The following KCNH1 variants were observed in gnomAD, a reference collection of about 807,000 sequenced individuals.
KCNH1 encodes the protein potassium voltage-gated channel subfamily H member 1.
A neutral mutation model predicts 69.2 loss-of-function variants in KCNH1; 27 were observed. The ratio of observed to expected loss-of-function variants is 0.39; its 90% CI spans 0.29 to 0.54. KCNH1 has a LOEUF of 0.54. Ranked by LOEUF, KCNH1 falls within the 20% of genes least tolerant of loss-of-function variation. KCNH1 has a pLI of 0.68. For synonymous variants in KCNH1, 456 were observed against 487.7 expected, an observed-to-expected ratio of 0.93 and a Z score of 0.86; for missense variants, 798 against 1,261.6, an observed-to-expected ratio of 0.63 and a Z score of 5.57.
At chr1:211,028,145 C>CA (rs1298724146) in intron 5 of KCNH1, among the ~76,000 whole-genome samples, 1 of 151,992 alleles carries the variant, frequency 6.6e-6, no homozygotes, top group Non-Finnish European at 1.5e-5. Context: ...TTCTCAGCTA[C>CA]AATGGAATCA....
intron 10 of KCNH1, among the ~76,000 whole-genome samples, chr1:210,762,564 A>G (rs1683543975): frequency 6.6e-6 from 1 of 152,204 alleles, no homozygotes; most frequent in African/African-American, 2.4e-5. Context: ...CCACAGAAAT[A>G]TAAAAGATCC....
chr1:210,714,965 G>C (rs112474211), intron 10 of KCNH1, among the ~76,000 whole-genome samples: 2,696 of 152,272 alleles, frequency 0.018, 69 homozygotes, highest in African/African-American at 0.062. Flanking sequence ...CCAATCCATG[G>C]TGATGTCTGA....
At chr1:210,715,554 G>T (rs1682209415) in intron 10 of KCNH1, among the ~76,000 whole-genome samples, 2 of 150,828 alleles carry the variant, frequency 1.3e-5, no homozygotes, top group African/African-American at 4.9e-5. Flanking sequence ...AGTTTGGCTT[G>T]GTTCAACTTT....
At chr1:210,705,543 G>C (rs967959509) in intron 10 of KCNH1, among the ~76,000 whole-genome samples, 2 of 152,206 alleles carry the variant, frequency 1.3e-5, no homozygotes, top group African/African-American at 4.8e-5. Flanking sequence ...CCCTGGCCCA[G>C]AGGTAGAACC....
intron 7 of KCNH1, among the ~76,000 whole-genome samples, chr1:210,900,989 A>G (rs1285078692): frequency 6.6e-6 from 1 of 152,082 alleles, no homozygotes; most frequent in Non-Finnish European, 1.5e-5. Context: ...AATAGTACAT[A>G]TTCAATTAAC....
chr1:210,838,167 A>G (rs1685326766), intron 7 of KCNH1, among the ~76,000 whole-genome samples: 1 of 152,222 alleles, frequency 6.6e-6, no homozygotes, highest in Non-Finnish European at 1.5e-5. Context: ...AGAATAGAAT[A>G]GAGAACCCAG....
chr1:210,943,987 T>G (rs932757963), intron 6 of KCNH1, among the ~76,000 whole-genome samples: 2 of 152,172 alleles, frequency 1.3e-5, no homozygotes, highest in Non-Finnish European at 2.9e-5. Flanking sequence ...GTACTGTGTA[T>G]TATCCAAATC....
At chr1:210,707,905 C>T (rs901108088) in intron 10 of KCNH1, among the ~76,000 whole-genome samples, 7 of 152,134 alleles carry the variant, frequency 4.6e-5, no homozygotes, top group South Asian at 4.2e-4. Context: ...TTTCACAGAA[C>T]GGCAAATGAG....
chr1:210,715,812 C>T (rs1416068830), intron 10 of KCNH1, among the ~76,000 whole-genome samples: 1 of 152,106 alleles, frequency 6.6e-6, no homozygotes, highest in South Asian at 2.1e-4. Context: ...AACCAACAAC[C>T]TCTGGGAGTG....
chr1:210,991,766 A>G lies in KCNH1; in HGVS notation c.1032+27017T>C, dbSNP rs1688943216. 2.0e-5 allele frequency among the ~76,000 whole-genome samples: 3 copies of G among 152,216 alleles called. No individual in the cohort carries two copies. In the South Asian group the frequency reaches 6.2e-4, roughly 32 times the overall value. On this transcript the variant is annotated intron_variant, in intron 6 of 10. Coordinates refer to ENST00000271751, the MANE Select transcript of KCNH1 (RefSeq NM_172362.3). ...CAGATAATTATTTGTCAATAAAAATAAAGTAAGATTTAAATTGTTTTTAAA... is the reference window on the plus strand; with the variant it reads ...CAGATAATTATTTGTCAATAAAAATGAAGTAAGATTTAAATTGTTTTTAAA...
At chr1:211,043,357 G>A (rs1223490896) in intron 5 of KCNH1, among the ~76,000 whole-genome samples, 1 of 152,078 alleles carries the variant, frequency 6.6e-6, no homozygotes, top group Non-Finnish European at 1.5e-5. Flanking sequence ...AAACATAGAG[G>A]AGATGGATGA....
chr1:211,104,766 A>T (rs904516739), intron 2 of KCNH1, among the ~76,000 whole-genome samples: 1 of 152,252 alleles, frequency 6.6e-6, no homozygotes, highest in African/African-American at 2.4e-5. Context: ...TCACTCCTCA[A>T]GTCTTAGGTA....
At chr1:210,760,002 T>C (rs926809518) in intron 10 of KCNH1, among the ~76,000 whole-genome samples, 3 of 152,158 alleles carry the variant, frequency 2.0e-5, no homozygotes, top group African/African-American at 7.2e-5. Context: ...TGGATTCTCA[T>C]AGGAGTCTGA....
intron 5 of KCNH1, among the ~76,000 whole-genome samples, chr1:211,057,768 G>T (rs1690340414): frequency 6.6e-6 from 1 of 152,098 alleles, no homozygotes; most frequent in Admixed American, 6.6e-5. Flanking sequence ...TTAAAGAGGA[G>T]ATGGGACGAC....
chr1:211,112,222 G>A (rs902305976), intron 1 of KCNH1, among the ~76,000 whole-genome samples: 5 of 148,992 alleles, frequency 3.4e-5, no homozygotes, highest in Non-Finnish European at 7.4e-5. Context: ...GAAGTGAGGA[G>A]CCCCTAACCT....
chr1:210,992,690 T>C (rs33985151), intron 6 of KCNH1, among the ~76,000 whole-genome samples: 50,191 of 152,130 alleles, frequency 0.33, 8,697 homozygotes, highest in Non-Finnish European at 0.38. Flanking sequence ...TATTTGTTGC[T>C]TTTTCTGTTC....
intron 6 of KCNH1, among the ~76,000 whole-genome samples, chr1:210,974,448 G>C (rs999741795): frequency 6.6e-6 from 1 of 151,462 alleles, no homozygotes; most frequent in Non-Finnish European, 1.5e-5. Flanking sequence ...TAGGAGCTTT[G>C]TGTCTTTGCT....
intron 10 of KCNH1, among the ~76,000 whole-genome samples, chr1:210,736,173 G>A (rs1682874712): frequency 6.6e-6 from 1 of 152,122 alleles, no homozygotes; most frequent in Admixed American, 6.6e-5. Flanking sequence ...AGCCTCCTGA[G>A]TAGCTGAGAC....
chr1:211,045,013 ACAAT>A (rs1368775604), intron 5 of KCNH1, among the ~76,000 whole-genome samples: 12 of 86,888 alleles, frequency 1.4e-4, no homozygotes, highest in Middle Eastern at 5.9e-3. Flanking sequence ...CCAATGCCCA[ACAAT>A]CAATGTGTGG....
Sources: allele counts gnomAD v4.1 joint callset (sites outside exome capture counted in the v4.1 genomes callset), GRCh38; gene constraint gnomAD v4.1.1; transcripts MANE v1.5; gene names NCBI Gene and HGNC (gene_info 2026-07-23, HGNC 2026-07-21).